Variants in GRM4 observed in about 807,000 individuals in gnomAD.
GRM4 encodes glutamate metabotropic receptor 4.
GRM4 carries 28 observed loss-of-function variants against 81.7 expected under a neutral mutation model. The ratio of observed to expected loss-of-function variants is 0.34; its 90% CI spans 0.25 to 0.47. GRM4 has a LOEUF of 0.47. GRM4 is among the 20% of genes least tolerant of loss of function. GRM4 has a pLI of 1.00. For missense variants in GRM4, 948 were observed against 1,290.0 expected (o/e 0.73, Z 4.06); for synonymous variants, 488 against 528.8 (o/e 0.92, Z 1.06).
At chr6:34,081,947 G>A (rs143631061) in intron 3 of GRM4, among the ~76,000 whole-genome samples, 42 of 152,324 alleles carry the variant, frequency 2.8e-4, no homozygotes, top group African/African-American at 9.9e-4. Context: ...GCCCAAACCC[G>A]AGCTGGGGTG....
intron 2 of GRM4, 23 bp downstream of exon 2, chr6:34,132,955 A>C: frequency 6.4e-7 from 1 of 1,562,820 alleles, no homozygotes; most frequent in Non-Finnish European, 8.7e-7. Context: ...AGAGCACCTC[A>C]GGGGACCAAC....
At chr6:34,128,231 C>T (rs1408814503) in intron 2 of GRM4, among the ~76,000 whole-genome samples, 4 of 152,222 alleles carry the variant, frequency 2.6e-5, no homozygotes, top group Non-Finnish European at 4.4e-5. Flanking sequence ...TCGCTGCCTG[C>T]CCGCTCCATC....
chr6:34,120,029 T>C (rs987594152), intron 2 of GRM4, among the ~76,000 whole-genome samples: 1 of 151,994 alleles, frequency 6.6e-6, no homozygotes, highest in Non-Finnish European at 1.5e-5. Flanking sequence ...GGGGTTGGGG[T>C]GTGTCTCTTG....
intron 9 of GRM4, among the ~76,000 whole-genome samples, chr6:34,031,402 G>C (rs1171964361): frequency 6.6e-6 from 1 of 152,220 alleles, no homozygotes; most frequent in Non-Finnish European, 1.5e-5. Context: ...GAGGACACCT[G>C]GGGTGAGGAT....
intron 8 of GRM4, among the ~76,000 whole-genome samples, chr6:34,039,570 T>A (rs73747250): frequency 2.6e-5 from 4 of 152,190 alleles, no homozygotes; most frequent in African/African-American, 9.7e-5. Flanking sequence ...GCTGGGATAC[T>A]GAGGGCCAGA....
In GRM4 at chr6:34,133,032, AC is replaced by A; in HGVS notation, c.464del (p.Gly155ValfsTer32). ...TGATGGAGACCGAGCTCCCTGAAGC[AC>A]CGATGACACCCACCACACGTTCAGG... ...TKPERVVGVI[G>X]ASGSSVSIMV... On this transcript the variant is annotated frameshift_variant, in exon 2 of 11. Coordinates refer to ENST00000538487, the MANE Select transcript of GRM4 (RefSeq NM_000841.4). LOFTEE classifies it high-confidence loss of function. This position sits in a 1 kb window ranked among gnomAD's most constrained non-coding sequence, Gnocchi z 6.5. 1 of 1,613,746 alleles carries A rather than the reference AC, an allele frequency of 6.2e-7. No individual in the cohort carries two copies. The highest frequency in any genetic ancestry group is 8.5e-7 in the Non-Finnish European group (1 of 1,179,810).
chr6:34,101,463 C>T lies in GRM4; in HGVS notation c.520-9364G>A, dbSNP rs566906766. Among the ~76,000 whole-genome samples the T allele has an allele frequency of 5.9e-5, 9 of 152,224 alleles. No homozygotes were observed. The East Asian group carries it at 1.7e-3, about 29-fold the overall frequency. ...CCTGTCTCCTGCGTACACGGTGGGC[C>T]TACACATGCATATGCATTTACACAC... On this transcript the variant is annotated intron_variant, in intron 2 of 10. Coordinates refer to ENST00000538487, the MANE Select transcript of GRM4 (RefSeq NM_000841.4).
At chr6:34,134,782 G>T (rs1770387620) in intron 1 of GRM4, among the ~76,000 whole-genome samples, 1 of 152,062 alleles carries the variant, frequency 6.6e-6, no homozygotes, top group East Asian at 1.9e-4. Context: ...TGAGCTACTG[G>T]CACATTATTA....
At chr6:34,083,498 G>A (rs968819306) in intron 3 of GRM4, among the ~76,000 whole-genome samples, 2 of 152,140 alleles carry the variant, frequency 1.3e-5, no homozygotes, top group African/African-American at 4.8e-5. Flanking sequence ...GGGGGCACAC[G>A]TGCCAGGTCC....
chr6:34,151,292 A>G (rs1362634284), intron 1 of GRM4, among the ~76,000 whole-genome samples: 1 of 152,174 alleles, frequency 6.6e-6, no homozygotes, highest in African/African-American at 2.4e-5. Flanking sequence ...CGACCCACCT[A>G]GAAAGACTCT....
chr6:34,027,858 G>GCA (rs1314049497), intron 10 of GRM4, among the ~76,000 whole-genome samples: 2 of 152,210 alleles, frequency 1.3e-5, no homozygotes, highest in Non-Finnish European at 2.9e-5. Context: ...CGCTGCTAGG[G>GCA]CACCAGCTGG....
chr6:34,070,851 ACACAC>A lies in GRM4; in HGVS notation c.737-8828_737-8824del, dbSNP rs1271401922. 6.7e-6 allele frequency among the ~76,000 whole-genome samples: 1 copy of A among 149,910 alleles called. No individual in the cohort carries two copies. The highest frequency in any genetic ancestry group is 1.5e-5 in the Non-Finnish European group (1 of 67,554). On this transcript the variant is annotated intron_variant, in intron 3 of 10. Transcript: ENST00000538487. The surrounding 1 kb of genome is among the most constrained non-coding windows in gnomAD (Gnocchi z 4.6). ...GCACACCCTTACAAAATCACATACT[ACACAC>A]CACCACAAGCTCACAAAGTTTCACG...
rs1173392654 is a variant in GRM4, at chr6:34,136,978, C to T, written c.-363-3119G>A. Among the ~76,000 whole-genome samples, 4 of 152,170 alleles carry T rather than the reference C, an allele frequency of 2.6e-5. No individual in the cohort carries two copies. Among genetic ancestry groups the T allele is most frequent in the African/African-American group, 4.8e-5 (2 of 41,456 alleles). ...GGGCCAGGCGGATGCTCCCTTCCCC[C>T]GCAGGGCCTGCTTCCTTCTGCAGAG... On this transcript the variant is annotated intron_variant, in intron 1 of 10. Coordinates refer to ENST00000538487, the MANE Select transcript of GRM4 (RefSeq NM_000841.4). This position sits in a 1 kb window ranked among gnomAD's most constrained non-coding sequence, Gnocchi z 4.1.
In GRM4 at chr6:34,089,997, T is replaced by G. The variant is rs933383724; in HGVS notation, c.736+1886A>C. ...CCTCTAGTTCCGGAGCCAGCCATCC[T>G]GGGTTCAAATCCCTTCTCCACCTCT... On this transcript the variant is annotated intron_variant, in intron 3 of 10. Coordinates refer to ENST00000538487, the MANE Select transcript of GRM4 (RefSeq NM_000841.4). This position sits in a 1 kb window ranked among gnomAD's most constrained non-coding sequence, Gnocchi z 4.3. Among the ~76,000 whole-genome samples, 1 of 152,244 alleles carries G rather than the reference T, an allele frequency of 6.6e-6. No homozygotes were observed. The highest frequency in any genetic ancestry group is 2.4e-5 in the African/African-American group (1 of 41,466).
At chr6:34,056,408 G>A in intron 6 of GRM4, 136 bp downstream of exon 6, 1 of 741,938 alleles carries the variant, frequency 1.3e-6, no homozygotes, top group Non-Finnish European at 2.2e-6. Context: ...TCCACCCCAG[G>A]TGCAGGCCCA....
chr6:34,127,734 C>T (rs1167479858), intron 2 of GRM4, among the ~76,000 whole-genome samples: 1 of 152,134 alleles, frequency 6.6e-6, no homozygotes, highest in Non-Finnish European at 1.5e-5. Context: ...AAAGTGGAGC[C>T]TGCAGGGTGA....
At position 34,114,020 on chromosome 6, in the gene GRM4, CA is replaced by C. The variant is rs1769488855; in HGVS notation, c.519+18957del. On this transcript the variant is annotated intron_variant, in intron 2 of 10. Coordinates refer to ENST00000538487, the MANE Select transcript of GRM4 (RefSeq NM_000841.4). This position sits in a 1 kb window ranked among gnomAD's most constrained non-coding sequence, Gnocchi z 4.3. ...TGGCTGTGCCTGCCACCCAAAACAC[CA>C]CCCAGCCACCTGGCTGCCTTCCTCA... 6.6e-6 allele frequency among the ~76,000 whole-genome samples: 1 copy of C among 152,098 alleles called. No individual in the cohort carries two copies. Among genetic ancestry groups the C allele is most frequent in the Admixed American group, 6.5e-5 (1 of 15,276 alleles).
Position 34,133,236 on chromosome 6 carries a change from A to C in GRM4, c.261T>G (p.Asp87Glu). The change falls in exon 2 of 11, where the codon GAT (aspartate) becomes GAG (glutamate). Residue 87 changes from aspartate (D) to glutamate (E), a missense_variant. Physicochemically the swap from Asp to Glu is conservative, Grantham distance 45. Coordinates refer to ENST00000538487, the MANE Select transcript of GRM4 (RefSeq NM_000841.4). This position sits in a 1 kb window ranked among gnomAD's most constrained non-coding sequence, Gnocchi z 6.5. ...HRLEAMLFAL[D>E]RINNDPDLLP... is the part of the protein sequence containing the mutation. ...GCAGGTCCGGGTCGTTGTTGATGCGATCCAGGGCGAACAGCATGGCCTCCA... is the reference window on the plus strand; with the variant it reads ...GCAGGTCCGGGTCGTTGTTGATGCGCTCCAGGGCGAACAGCATGGCCTCCA... 1 of 1,614,142 alleles carries C rather than the reference A, an allele frequency of 6.2e-7. No homozygotes were observed. The highest frequency in any genetic ancestry group is 8.5e-7 in the Non-Finnish European group (1 of 1,180,016).
chr6:34,067,462 G>A (rs543423102), intron 3 of GRM4, among the ~76,000 whole-genome samples: 7 of 88,862 alleles, frequency 7.9e-5, no homozygotes, highest in South Asian at 4.4e-4. Context: ...CCCTCCCTCC[G>A]TCCTTCCCTC....
Sources: gnomAD v4.1 joint callset for allele counts (sites outside exome capture counted in the v4.1 genomes callset) on GRCh38, gnomAD v4.1.1 for gene constraint, Gnocchi (gnomAD v3.1) non-coding constraint, MANE v1.5 for transcripts, NCBI Gene and HGNC (gene_info 2026-07-23, HGNC 2026-07-21) for gene names.